The following LPP variants were observed in gnomAD, a reference collection of about 807,000 sequenced individuals.
The protein encoded by LPP is lipoma-preferred partner.
In LPP, 38 loss-of-function variants were observed where a neutral mutation model predicts 60.4. The ratio of observed to expected loss-of-function variants is 0.63; its 90% CI spans 0.49 to 0.83. The LOEUF is 0.83. LPP is among the 40% of genes least tolerant of loss of function. The probability of loss-of-function intolerance (pLI) is 0.00; values close to 1 mark genes in which losing one functional copy is unlikely to be tolerated. For synonymous variants in LPP, 328 were observed against 290.8 expected (o/e 1.13, Z -1.30); for missense variants, 902 against 783.6 (o/e 1.15, Z -1.80).
chr3:188,872,408 T>G (rs1768344552), intron 10 of LPP, among the ~76,000 whole-genome samples: 1 of 152,306 alleles, frequency 6.6e-6, no homozygotes, highest in South Asian at 2.1e-4. Flanking sequence ...AAAGAGATGC[T>G]AGATGCTCTT....
At position 188,251,025 on chromosome 3, in the gene LPP, C is replaced by G. The variant is rs543019242; in HGVS notation, c.-67+25498C>G. ...CCCTGCCCTCCCCCCCGCCCTCCCC[C>G]CTTCCCTCCCCTTTTCTTTCTCTCT... On this transcript the variant is annotated intron_variant, in intron 2 of 11. Coordinates refer to ENST00000617246, the MANE Select transcript of LPP (RefSeq NM_001375462.1). Among the ~76,000 whole-genome samples, 479 of 91,868 alleles carry G rather than the reference C, an allele frequency of 5.2e-3. 14 individuals carry two copies. Among genetic ancestry groups the G allele is most frequent in the African/African-American group, 0.02 (445 of 22,428 alleles). 60.3% of individuals were successfully genotyped at this position (91,868 alleles called of 152,430 possible).
chr3:188,250,992 C>T, intron 2 of LPP, among the ~76,000 whole-genome samples: 1 of 28,578 alleles, frequency 3.5e-5, no homozygotes, highest in African/African-American at 1.2e-4. Context: ...CCCTCCCCTG[C>T]CCTCCCCCCC....
chr3:188,696,599 C>T (rs2149527940), intron 7 of LPP, among the ~76,000 whole-genome samples: 1 of 151,840 alleles, frequency 6.6e-6, no homozygotes, highest in South Asian at 2.1e-4. Flanking sequence ...ACAACAACAA[C>T]TCACAAAGTA....
At chr3:188,732,370 C>T (rs997157560) in intron 8 of LPP, among the ~76,000 whole-genome samples, 1 of 152,204 alleles carries the variant, frequency 6.6e-6, no homozygotes, top group Admixed American at 6.5e-5. Flanking sequence ...CTTACATTTA[C>T]ATCCCCAAAT....
intron 4 of LPP, among the ~76,000 whole-genome samples, chr3:188,460,536 A>G (rs901788784): frequency 7.9e-5 from 12 of 152,186 alleles, no homozygotes; most frequent in African/African-American, 2.9e-4. Context: ...GGCCATTATC[A>G]ACATTGATTT....
At chr3:188,730,410 C>T (rs545971936) in intron 8 of LPP, among the ~76,000 whole-genome samples, 9 of 152,236 alleles carry the variant, frequency 5.9e-5, no homozygotes, top group South Asian at 2.1e-4. Context: ...TTTTGTACCA[C>T]GTATTTACAG....
intron 9 of LPP, among the ~76,000 whole-genome samples, chr3:188,779,494 G>A (rs1738940042): frequency 6.6e-6 from 1 of 152,044 alleles, no homozygotes; most frequent in Admixed American, 6.6e-5. Flanking sequence ...GGAATATGGA[G>A]GTCTGCTTTC....
At chr3:188,405,963 TTTTC>T in intron 3 of LPP, 145 bp from the exon 4 acceptor site, 2 of 633,118 alleles carry the variant, frequency 3.2e-6, no homozygotes, top group South Asian at 4.8e-5. Flanking sequence ...GCCTCTTCAT[TTTTC>T]TTTCTTCCAT....
intron 7 of LPP, among the ~76,000 whole-genome samples, chr3:188,635,742 G>A (rs1021358685): frequency 6.6e-6 from 1 of 152,146 alleles, no homozygotes; most frequent in Admixed American, 6.5e-5. Context: ...GAGTTTAAAT[G>A]AGTTTATTCC....
chr3:188,357,820 C>A (rs945995186), intron 3 of LPP, among the ~76,000 whole-genome samples: 3 of 152,136 alleles, frequency 2.0e-5, no homozygotes, highest in Admixed American at 6.6e-5. Flanking sequence ...TGTTTGCTAT[C>A]TTTTCTGTTT....
intron 9 of LPP, among the ~76,000 whole-genome samples, chr3:188,762,141 A>G (rs999286162): frequency 1.3e-5 from 2 of 152,206 alleles, no homozygotes; most frequent in African/African-American, 4.8e-5. Flanking sequence ...GCTTGAAATC[A>G]TATAGACAGT....
intron 2 of LPP, among the ~76,000 whole-genome samples, chr3:188,338,081 A>T (rs1462542387): frequency 6.6e-6 from 1 of 152,252 alleles, no homozygotes; most frequent in Non-Finnish European, 1.5e-5. Context: ...ATTTACTTTT[A>T]AAAAATCTGA....
chr3:188,467,602 A>T (rs1042881082), intron 4 of LPP, among the ~76,000 whole-genome samples: 20 of 152,168 alleles, frequency 1.3e-4, no homozygotes, highest in South Asian at 6.2e-4. Flanking sequence ...CTAACCTAAG[A>T]TAATGAAATT....
At chr3:188,652,632 G>T (rs527395018) in intron 7 of LPP, among the ~76,000 whole-genome samples, 1 of 152,324 alleles carries the variant, frequency 6.6e-6, no homozygotes, top group Non-Finnish European at 1.5e-5. Flanking sequence ...GACTTGAGGG[G>T]ACAGCCCTGT....
chr3:188,417,595 C>A (rs116327663), intron 4 of LPP, among the ~76,000 whole-genome samples: 135 of 152,192 alleles, frequency 8.9e-4, no homozygotes, highest in African/African-American at 3.0e-3. Flanking sequence ...AATGTTCTAG[C>A]GTGCTCTGAA....
intron 8 of LPP, among the ~76,000 whole-genome samples, chr3:188,735,477 G>A (rs1485768483): frequency 1.3e-5 from 2 of 151,940 alleles, no homozygotes; most frequent in Admixed American, 6.6e-5. Flanking sequence ...TGCCTCCTGG[G>A]TTCAAGCAAT....
At chr3:188,754,013 A>G (rs187999111) in intron 8 of LPP, among the ~76,000 whole-genome samples, 1 of 152,316 alleles carries the variant, frequency 6.6e-6, no homozygotes, top group East Asian at 1.9e-4. Context: ...GAGATTGCAT[A>G]TTGCTACATT....
chr3:188,200,079 A>T (rs1049318037), intron 1 of LPP, among the ~76,000 whole-genome samples: 1 of 152,132 alleles, frequency 6.6e-6, no homozygotes, highest in Non-Finnish European at 1.5e-5. Flanking sequence ...AGATATAGAC[A>T]GACATAGGTC....
At chr3:188,482,900 A>G (rs1183668633) in intron 4 of LPP, among the ~76,000 whole-genome samples, 2 of 152,166 alleles carry the variant, frequency 1.3e-5, no homozygotes, top group African/African-American at 4.8e-5. Flanking sequence ...CATCGATCAC[A>G]CAGGGATTTA....
Sources: allele counts gnomAD v4.1 joint callset (sites outside exome capture counted in the v4.1 genomes callset), GRCh38; gene constraint gnomAD v4.1.1; transcripts MANE v1.5; gene names NCBI Gene and HGNC (gene_info 2026-07-23, HGNC 2026-07-21).